The following TMEM61 variants were observed in gnomAD, a reference collection of about 807,000 sequenced individuals.
TMEM61 encodes the protein transmembrane protein 61.
Under a neutral mutation model 12.0 loss-of-function variants are expected in TMEM61, and 13 were observed. The observed-to-expected ratio is 1.08, with a 90% CI of 0.70 to 1.72. The LOEUF is 1.72. Among genes scored for constraint, TMEM61 ranks in the 40% most tolerant of loss-of-function variants. TMEM61 has a pLI of 0.00. For synonymous variants in TMEM61, 109 were observed against 121.4 expected (o/e 0.90, Z 0.67); for missense variants, 249 against 276.9 (o/e 0.90, Z 0.71).
At chr1:54,983,120 TTG>T (rs796728945) in intron 1 of TMEM61, among the ~76,000 whole-genome samples, 1 of 133,366 alleles carries the variant, frequency 7.5e-6, no homozygotes, top group Admixed American at 7.7e-5. Flanking sequence ...TTTTTTTTTT[TTG>T]TTTTTTTTTG....
intron 1 of TMEM61, among the ~76,000 whole-genome samples, chr1:54,983,105 C>CTTTTT (rs1644233851): frequency 8.4e-5 from 5 of 59,414 alleles, no homozygotes; most frequent in South Asian, 1.2e-3. Context: ...TTGTGTTTTG[C>CTTTTT]TTTGTTTTTT....
intron 2 of TMEM61, among the ~76,000 whole-genome samples, chr1:54,987,985 G>C (rs1169631153): frequency 6.6e-6 from 1 of 152,256 alleles, no homozygotes; most frequent in South Asian, 2.1e-4. Context: ...TTCTGTCTAT[G>C]GGTTCTGCAT....
Position 54,981,096 on chromosome 1 carries a change from C to A in TMEM61, c.15+16C>A. 1 of 1,585,304 alleles carries A rather than the reference C, an allele frequency of 6.3e-7. No individual in the cohort carries two copies. The highest frequency in any genetic ancestry group is 8.6e-7 in the Non-Finnish European group (1 of 1,165,060). ...CCTGCCCCAGGTGGGTGGAAACGGC[C>A]TTCTCCCTCCTTTACGGGCACTCAG... On this transcript the variant is annotated intron_variant, in intron 1 of 2. Coordinates refer to ENST00000371268, the MANE Select transcript of TMEM61 (RefSeq NM_182532.3).
At chr1:54,981,641 A>C (rs984752437) in intron 1 of TMEM61, among the ~76,000 whole-genome samples, 3 of 151,912 alleles carry the variant, frequency 2.0e-5, no homozygotes, top group Admixed American at 2.0e-4. Flanking sequence ...CAAAACAAAA[A>C]TGCCCTTATT....
intron 2 of TMEM61, among the ~76,000 whole-genome samples, chr1:54,988,428 C>T (rs1363847579): frequency 6.6e-6 from 1 of 152,228 alleles, no homozygotes; most frequent in African/African-American, 2.4e-5. Context: ...AGACCCCAGT[C>T]GTAGACTCAA....
Position 54,992,114 on chromosome 1 carries a change from C to A in TMEM61, c.*11C>A. On this transcript the variant is annotated 3_prime_UTR_variant, in exon 3 of 3. Transcript: ENST00000371268. ...CGGGGAGGAAGTTAAAGGCTCCTAGCAGGTCCTGAATCCAGAGACAAAAAT... is the reference window on the plus strand; with the variant it reads ...CGGGGAGGAAGTTAAAGGCTCCTAGAAGGTCCTGAATCCAGAGACAAAAAT... 1 of 1,607,116 alleles carries A rather than the reference C, an allele frequency of 6.2e-7. No individual in the cohort carries two copies. Among genetic ancestry groups the A allele is most frequent in the Non-Finnish European group, 8.5e-7 (1 of 1,177,874 alleles).
chr1:54,980,874 C>A lies in TMEM61; in HGVS notation c.-192C>A. On this transcript the variant is annotated 5_prime_UTR_variant, in exon 1 of 3. Transcript: ENST00000371268. ...GCCCTGGGAGGGCCCAGGAGCCAGACCTCGGTTTTGCGGGCTGGGGAGCAG... is the reference window on the plus strand; with the variant it reads ...GCCCTGGGAGGGCCCAGGAGCCAGAACTCGGTTTTGCGGGCTGGGGAGCAG... 1 of 506,954 alleles carries A rather than the reference C, an allele frequency of 2.0e-6. No homozygotes were observed. The highest frequency in any genetic ancestry group is 3.3e-6 in the Non-Finnish European group (1 of 304,382). 31.4% of individuals were successfully genotyped at this position (506,954 alleles called of 1,614,324 possible).
At position 54,980,811 on chromosome 1, in the gene TMEM61, G is replaced by T. The variant is rs6669398; in HGVS notation, c.-255G>T. On this transcript the variant is annotated 5_prime_UTR_variant, in exon 1 of 3. Coordinates refer to ENST00000371268, the MANE Select transcript of TMEM61 (RefSeq NM_182532.3). ...GGGTGAGGCCTGGCTCGGTCCCTGCGCACCGGGTGCGGGCGGCGGAGAGGG... is the reference window on the plus strand; with the variant it reads ...GGGTGAGGCCTGGCTCGGTCCCTGCTCACCGGGTGCGGGCGGCGGAGAGGG... 1,237 of 383,632 alleles carry T rather than the reference G, an allele frequency of 3.2e-3. 13 individuals are homozygous for T. Among genetic ancestry groups the T allele is most frequent in the African/African-American group, 0.023 (1,111 of 47,996 alleles). The allele number at this position is 383,632 out of a possible 1,614,324, so 23.8% of individuals were successfully genotyped here.
intron 2 of TMEM61, among the ~76,000 whole-genome samples, chr1:54,991,264 CTG>C (rs1302506266): frequency 6.6e-6 from 1 of 152,200 alleles, no homozygotes; most frequent in African/African-American, 2.4e-5. Flanking sequence ...GGATAGCAAA[CTG>C]TCCAGAGATA....
chr1:54,983,109 G>GTTTATTTTT (rs1644234070), intron 1 of TMEM61, among the ~76,000 whole-genome samples: 1 of 109,522 alleles, frequency 9.1e-6, no homozygotes, highest in Non-Finnish European at 1.8e-5. Flanking sequence ...GTTTTGCTTT[G>GTTTATTTTT]TTTTTTTTTT....
At chr1:54,983,764 AT>A (rs964022451) in intron 1 of TMEM61, among the ~76,000 whole-genome samples, 282 of 151,706 alleles carry the variant, frequency 1.9e-3, no homozygotes, top group African/African-American at 6.4e-3. Context: ...TGTTTTTTGA[AT>A]TTTTTTTCCC....
At chr1:54,984,933 G>A (rs561640818) in intron 1 of TMEM61, among the ~76,000 whole-genome samples, 72 of 152,212 alleles carry the variant, frequency 4.7e-4, no homozygotes, top group African/African-American at 1.4e-3. Context: ...TGTGTGATCC[G>A]GGGCCAGGAC....
In TMEM61 at chr1:54,980,788, G is replaced by A. The variant is rs1644212808; in HGVS notation, c.-278G>A. Reference sequence around the variant, plus strand: ...CGCAGCCCTCGGGGCGGGCGCCGGGGTGAGGCCTGGCTCGGTCCCTGCGCA... The same window carrying A: ...CGCAGCCCTCGGGGCGGGCGCCGGGATGAGGCCTGGCTCGGTCCCTGCGCA... On this transcript the variant is annotated 5_prime_UTR_variant, in exon 1 of 3. It adds an upstream start codon to the 5' untranslated region. Coordinates refer to ENST00000371268, the MANE Select transcript of TMEM61 (RefSeq NM_182532.3). The A allele has an allele frequency of 2.8e-6, 1 of 358,110 alleles. No individual in the cohort carries two copies. Among genetic ancestry groups the A allele is most frequent in the Non-Finnish European group, 5.0e-6 (1 of 200,294 alleles). 22.2% of individuals were successfully genotyped at this position (358,110 alleles called of 1,614,324 possible).
chr1:54,985,884 C>T (rs1337084984), intron 1 of TMEM61, among the ~76,000 whole-genome samples: 1 of 152,200 alleles, frequency 6.6e-6, no homozygotes, highest in Non-Finnish European at 1.5e-5. Context: ...ATTTCCCAGT[C>T]ATGGTGCTGA....
At chr1:54,985,042 ATGTTTCCTCCTCT>A (rs1049165106) in intron 1 of TMEM61, among the ~76,000 whole-genome samples, 33 of 152,292 alleles carry the variant, frequency 2.2e-4, no homozygotes, top group Admixed American at 2.1e-3. Flanking sequence ...GATGTGATAA[ATGTTTCCTCCTCT>A]TGTTAAACCT....
intron 2 of TMEM61, 122 bp from the exon 3 acceptor site, chr1:54,991,714 A>C: frequency 8.4e-7 from 1 of 1,195,964 alleles, no homozygotes; most frequent in East Asian, 2.3e-5. Flanking sequence ...GACCCTGGAG[A>C]GCCACAAAGG....
chr1:54,991,422 A>G (rs1644297104), intron 2 of TMEM61, among the ~76,000 whole-genome samples: 1 of 152,184 alleles, frequency 6.6e-6, no homozygotes, highest in African/African-American at 2.4e-5. Context: ...GGGCATCCCA[A>G]TTCTGATCTT....
Position 54,981,077 on chromosome 1 carries a change from C to G in TMEM61, c.12C>G (p.Pro4=). The part of the protein sequence containing the change: MAL[P]QMCDGSHLAS... ...CTGCCCGCCTCCCGATGGCCCTGCC[C>G]CAGGTGGGTGGAAACGGCCTTCTCC... The change falls in exon 1 of 3, where the codon CCC becomes CCG. Residue 4 remains proline, a synonymous_variant. Coordinates refer to ENST00000371268, the MANE Select transcript of TMEM61 (RefSeq NM_182532.3). 1.3e-6 allele frequency: 2 copies of G among 1,587,818 alleles called. No individual in the cohort carries two copies. Among genetic ancestry groups the G allele is most frequent in the Non-Finnish European group, 8.6e-7 (1 of 1,166,530 alleles).
At chr1:54,986,807 T>G (rs1418649656) in intron 2 of TMEM61, among the ~76,000 whole-genome samples, 43 of 151,826 alleles carry the variant, frequency 2.8e-4, no homozygotes, top group Admixed American at 2.8e-3. Context: ...TCAGACCCAC[T>G]GGGACCCTGT....
Sources: allele counts gnomAD v4.1 joint callset (sites outside exome capture counted in the v4.1 genomes callset), GRCh38; gene constraint gnomAD v4.1.1; transcripts MANE v1.5; gene names NCBI Gene and HGNC (gene_info 2026-07-23, HGNC 2026-07-21).